HERC1: variants seen among roughly 807,000 people sequenced by gnomAD.
The protein encoded by HERC1 is probable E3 ubiquitin-protein ligase HERC1.
Under a neutral mutation model 554.3 loss-of-function variants are expected in HERC1, and 160 were observed. The observed-to-expected ratio is 0.29, with a 90% CI of 0.25 to 0.33. The LOEUF is 0.33. Among genes scored for constraint, HERC1 ranks in the 10% least tolerant of loss-of-function variants. The pLI is 1.00. For synonymous variants in HERC1, 2,175 were observed against 2,131.7 expected (o/e 1.02, Z -0.56); for missense variants, 4,919 against 5,918.5 (o/e 0.83, Z 5.54).
At chr15:63,629,534 A>G (rs563126958) in intron 69 of HERC1, among the ~76,000 whole-genome samples, 31 of 152,356 alleles carry the variant, frequency 2.0e-4, no homozygotes, top group African/African-American at 7.2e-4. Context: ...CCAAACCTCT[A>G]TACTTAGGGT....
chr15:63,672,026 A>C (rs1280589348), intron 39 of HERC1, among the ~76,000 whole-genome samples: 1 of 152,246 alleles, frequency 6.6e-6, no homozygotes, highest in Non-Finnish European at 1.5e-5. Flanking sequence ...GAAGCATCAT[A>C]AGACATGCCC....
Position 63,718,407 on chromosome 15 carries a change from A to G in HERC1, c.3978+167T>C, listed in dbSNP as rs1377372072. ...ACACTTGGTAAATGTGAGGTTAAGTAAATCTCAAATCTTTTCCTTTTTTTT... is the reference window on the plus strand; with the variant it reads ...ACACTTGGTAAATGTGAGGTTAAGTGAATCTCAAATCTTTTCCTTTTTTTT... On this transcript the variant is annotated intron_variant, in intron 21 of 77. Coordinates refer to ENST00000443617, the MANE Select transcript of HERC1 (RefSeq NM_003922.4). The surrounding 1 kb of genome is among the most constrained non-coding windows in gnomAD (Gnocchi z 4.2). 2 of 613,918 alleles carry G rather than the reference A, an allele frequency of 3.3e-6. No homozygotes were observed. The highest frequency in any genetic ancestry group is 1.9e-5 in the African/African-American group (1 of 53,660). 38.0% of individuals were successfully genotyped at this position (613,918 alleles called of 1,614,324 possible).
chr15:63,766,181 TATA>T (rs1222272256), intron 2 of HERC1, among the ~76,000 whole-genome samples: 5 of 151,780 alleles, frequency 3.3e-5, no homozygotes, highest in African/African-American at 7.2e-5. Context: ...ATACTATTAA[TATA>T]ATCATAGAGG....
intron 1 of HERC1, among the ~76,000 whole-genome samples, chr15:63,825,676 C>T (rs2077872065): frequency 6.6e-6 from 1 of 152,070 alleles, no homozygotes; most frequent in Admixed American, 6.6e-5. Context: ...TATCCCAGGC[C>T]TTTACTGGTT....
rs1251182462 is a variant in HERC1 at position 63,612,805 on chromosome 15, C to G, written c.14095-249G>C. ...TTCCAGTTCAAGTCCAATTTAGGAGCCTGCCTTCCCTCTACCACAAAATCT... is the reference window on the plus strand; with the variant it reads ...TTCCAGTTCAAGTCCAATTTAGGAGGCTGCCTTCCCTCTACCACAAAATCT... On this transcript the variant is annotated intron_variant, in intron 76 of 77. Coordinates refer to ENST00000443617, the MANE Select transcript of HERC1 (RefSeq NM_003922.4). This position sits in a 1 kb window ranked among gnomAD's most constrained non-coding sequence, Gnocchi z 5.0. 1.3e-5 allele frequency among the ~76,000 whole-genome samples: 2 copies of G among 152,182 alleles called. No individual in the cohort carries two copies. The highest frequency in any genetic ancestry group is 2.4e-5 in the African/African-American group (1 of 41,452).
rs111577041 is a variant in HERC1, at chr15:63,674,314, C to CAA, written c.7846+26_7846+27dup. 9,938 of 1,348,908 alleles carry CAA rather than the reference C, an allele frequency of 7.4e-3. 3 individuals carry two copies. Among genetic ancestry groups the CAA allele is most frequent in the Non-Finnish European group, 8.4e-3 (8,442 of 1,001,136 alleles). 83.6% of individuals were successfully genotyped at this position (1,348,908 alleles called of 1,614,324 possible). Reference sequence around the variant, plus strand: ...GAAAATAATCTCAACAGCACAAAAGCAAAAAAAAAAAAAATCAGATAACAT... The same window carrying CAA: ...GAAAATAATCTCAACAGCACAAAAGCAAAAAAAAAAAAAAAATCAGATAACAT... On this transcript the variant is annotated intron_variant, in intron 38 of 77. Coordinates refer to ENST00000443617, the MANE Select transcript of HERC1 (RefSeq NM_003922.4).
At chr15:63,621,049 G>A (rs868341387) in intron 74 of HERC1, among the ~76,000 whole-genome samples, 1,594 of 152,276 alleles carry the variant, frequency 0.01, 17 homozygotes, top group African/African-American at 0.037. Context: ...ATATTAGCTG[G>A]TTATTTTGCT....
intron 1 of HERC1, among the ~76,000 whole-genome samples, chr15:63,829,404 C>CA (rs1163103125): frequency 6.7e-6 from 1 of 148,786 alleles, no homozygotes; most frequent in African/African-American, 2.5e-5. Context: ...GCCTGGGTGA[C>CA]AGAGTGAGGC....
At chr15:63,709,090 A>T (rs2073161267) in intron 24 of HERC1, among the ~76,000 whole-genome samples, 1 of 152,150 alleles carries the variant, frequency 6.6e-6, no homozygotes, top group Admixed American at 6.5e-5. Context: ...CCCAGATTCA[A>T]GTGATCCTCC....
Position 63,615,790 on chromosome 15 carries a change from C to T in HERC1, c.14072G>A (p.Arg4691Gln), listed in dbSNP as rs757446033. The T allele has an allele frequency of 6.3e-7, 1 of 1,598,432 alleles. No homozygotes were observed. The highest frequency in any genetic ancestry group is 1.1e-5 in the South Asian group (1 of 87,248). The part of the protein sequence containing the change: ...KEYVERAIEY[R>Q]LHEMDRQVAA... The stretch of plus-strand genomic sequence containing the variant: ...CACCTGTCTGTCCATCTCATGAAGT[C>T]GATATTCAATGGCCCTCTCCACATA... Residue 4691 changes from arginine to glutamine, a missense_variant, in exon 76 of 78, where the codon CGA (arginine) becomes CAA (glutamine). Transcript: ENST00000443617.
chr15:63,734,710 A>G lies in HERC1; in HGVS notation c.2646+14T>C. On this transcript the variant is annotated intron_variant, in intron 13 of 77. Transcript: ENST00000443617. This position sits in a 1 kb window ranked among gnomAD's most constrained non-coding sequence, Gnocchi z 4.6. ...GATACTACTGGTTTACTTACACAGC[A>G]AGCAAAGGCCTACCTGTCCTTTAGA... The G allele has an allele frequency of 6.6e-7, 1 of 1,523,634 alleles. No individual in the cohort carries two copies. Among genetic ancestry groups the G allele is most frequent in the Non-Finnish European group, 8.7e-7 (1 of 1,144,418 alleles). 94.4% of individuals were successfully genotyped at this position (1,523,634 alleles called of 1,614,324 possible).
At chr15:63,783,406 A>G (rs2076344582) in intron 1 of HERC1, among the ~76,000 whole-genome samples, 1 of 152,130 alleles carries the variant, frequency 6.6e-6, no homozygotes, top group South Asian at 2.1e-4. Flanking sequence ...AGCATTTTTT[A>G]GCAAAAAAAA....
chr15:63,665,939 C>T lies in HERC1; in HGVS notation c.8535G>A (p.Met2845Ile), dbSNP rs922638640. The T allele has an allele frequency of 1.2e-6, 2 of 1,612,752 alleles. No individual in the cohort carries two copies. The highest frequency in any genetic ancestry group is 1.6e-4 in the Middle Eastern group (1 of 6,076). The part of the protein sequence containing the change: ...GDIPSADAAE[M>I]EEGFSESPDN... The stretch of plus-strand genomic sequence containing the variant: ...TTCACCTTTCACTAAAACCTTCCTC[C>T]ATTTCAGCAGCATCAGCTGATGGTA... Residue 2845 changes from methionine to isoleucine, a missense_variant, in exon 42 of 78, where the codon ATG (methionine) becomes ATA (isoleucine). Transcript: ENST00000443617.
intron 1 of HERC1, among the ~76,000 whole-genome samples, chr15:63,802,197 G>A (rs2077013265): frequency 6.6e-6 from 1 of 152,172 alleles, no homozygotes. Context: ...TCATTCAGCT[G>A]AATGATTGAT....
chr15:63,792,112 T>G (rs1041320630), intron 1 of HERC1, among the ~76,000 whole-genome samples: 9 of 152,208 alleles, frequency 5.9e-5, no homozygotes, highest in Non-Finnish European at 1.5e-5. Flanking sequence ...CCAACCTTAA[T>G]GTCTTAAACC....
rs373031004 is a variant in HERC1 at position 63,622,857 on chromosome 15, G to A, written c.13646C>T (p.Pro4549Leu). The part of the protein sequence containing the change: ...LETGIVDLLI[P>L]SPNATAEVGY... ...CACTTCTGCGGTGGCATTGGGAGAGGGTATAAGAAGGTCAACAATACCAGT... is the reference window on the plus strand; with the variant it reads ...CACTTCTGCGGTGGCATTGGGAGAGAGTATAAGAAGGTCAACAATACCAGT... The change falls in exon 74 of 78, where the codon CCC (proline) becomes CTC (leucine). Residue 4549 changes from proline to leucine, a missense_variant. This residue lies in a region of HERC1 where 284 missense variants were observed against 294.1 expected (regional missense o/e 0.97). Coordinates refer to ENST00000443617, the MANE Select transcript of HERC1 (RefSeq NM_003922.4). 1 of 1,604,990 alleles carries A rather than the reference G, an allele frequency of 6.2e-7. No homozygotes were observed. Among genetic ancestry groups the A allele is most frequent in the Non-Finnish European group, 8.5e-7 (1 of 1,176,540 alleles).
At chr15:63,818,100 G>C (rs2077557625) in intron 1 of HERC1, among the ~76,000 whole-genome samples, 1 of 151,942 alleles carries the variant, frequency 6.6e-6, no homozygotes, top group Non-Finnish European at 1.5e-5. Flanking sequence ...ACTCTTATTT[G>C]CAAGTCTGTT....
Position 63,733,152 on chromosome 15 carries a change from A to T in HERC1, c.2647-7T>A. On this transcript the variant is annotated splice_region_variant and splice_polypyrimidine_tract_variant and intron_variant, in intron 13 of 77. Coordinates refer to ENST00000443617, the MANE Select transcript of HERC1 (RefSeq NM_003922.4). ...TGATATCCAGTTGCATTCTCTAAAG[A>T]ACAATAAAATAGGAACAAGTAACTA... 2 of 1,592,674 alleles carry T rather than the reference A, an allele frequency of 1.3e-6. No individual in the cohort carries two copies. Among genetic ancestry groups the T allele is most frequent in the Non-Finnish European group, 1.7e-6 (2 of 1,160,492 alleles).
chr15:63,736,427 T>A (rs1472288879), intron 12 of HERC1, among the ~76,000 whole-genome samples: 1 of 152,216 alleles, frequency 6.6e-6, no homozygotes, highest in East Asian at 1.9e-4. Context: ...TAGCAGTAGC[T>A]TAGAAGAGCC....
Sources: allele counts gnomAD v4.1 joint callset (sites outside exome capture counted in the v4.1 genomes callset), GRCh38; gene constraint gnomAD v4.1.1; regional missense constraint gnomAD v4.1.1; non-coding constraint Gnocchi (gnomAD v3.1); transcripts MANE v1.5; gene names NCBI Gene and HGNC (gene_info 2026-07-23, HGNC 2026-07-21).